ACOXL: variants seen among roughly 807,000 people sequenced by gnomAD.
The protein encoded by ACOXL is acyl-coenzyme A oxidase-like protein.
ACOXL carries 70 observed loss-of-function variants against 71.9 expected under a neutral mutation model. That is an observed-to-expected ratio of 0.97 (90% confidence interval 0.80 to 1.19). The LOEUF (loss-of-function observed/expected upper bound fraction) is 1.19, where lower values mean the gene tolerates loss of function less well. Ranked by LOEUF, ACOXL falls within the 50% of genes most tolerant of loss-of-function variation. The pLI, the probability that ACOXL is intolerant of heterozygous loss-of-function variation, is 0.00. For synonymous variants in ACOXL, 253 were observed against 281.6 expected (o/e 0.90, Z 1.02); for missense variants, 703 against 736.3 (o/e 0.95, Z 0.52).
chr2:110,844,233 A>G (rs1012778855), intron 10 of ACOXL, among the ~76,000 whole-genome samples: 41 of 152,226 alleles, frequency 2.7e-4, no homozygotes, highest in African/African-American at 9.6e-4. Context: ...CTGCTCACGG[A>G]CTGACATCTT....
intron 10 of ACOXL, among the ~76,000 whole-genome samples, chr2:110,890,487 G>T (rs1697808278): frequency 6.6e-6 from 1 of 152,126 alleles, no homozygotes. Flanking sequence ...TTAATTTTGT[G>T]TATGGTGTGA....
intron 17 of ACOXL, among the ~76,000 whole-genome samples, chr2:111,107,043 T>C (rs1281161957): frequency 6.6e-6 from 1 of 152,210 alleles, no homozygotes; most frequent in East Asian, 1.9e-4. Flanking sequence ...CAGCTCCCCA[T>C]GTGGTCTCCG....
intron 7 of ACOXL, among the ~76,000 whole-genome samples, chr2:110,801,387 A>G (rs991851175): frequency 3.4e-4 from 51 of 152,202 alleles, no homozygotes; most frequent in African/African-American, 1.2e-3. Flanking sequence ...CTACATGCCC[A>G]AAGCATGCAC....
intron 10 of ACOXL, chr2:110,888,091 G>C (rs1697521805): frequency 6.6e-6 from 1 of 152,106 alleles, no homozygotes; most frequent in Admixed American, 6.5e-5. Flanking sequence ...TTTTGTAGCT[G>C]GGGCTTCTAT....
chr2:110,793,874 A>G, intron 4 of ACOXL, 138 bp downstream of exon 4: 1 of 904,116 alleles, frequency 1.1e-6, no homozygotes, highest in Non-Finnish European at 1.7e-6. Flanking sequence ...GTTGAAAATG[A>G]GAATTCCAAG....
chr2:110,779,799 A>C (rs1159866569), intron 2 of ACOXL, among the ~76,000 whole-genome samples: 1 of 152,260 alleles, frequency 6.6e-6, no homozygotes, highest in Non-Finnish European at 1.5e-5. Flanking sequence ...TGCTACACAC[A>C]AAACTAATTT....
chr2:110,794,233 A>G, intron 5 of ACOXL, 59 bp downstream of exon 5: 2 of 1,505,726 alleles, frequency 1.3e-6, no homozygotes, highest in South Asian at 2.3e-5. Context: ...ACAGAAACAG[A>G]TCTCCTTCTT....
intron 10 of ACOXL, among the ~76,000 whole-genome samples, chr2:110,880,181 A>G (rs1696469704): frequency 6.6e-6 from 1 of 151,680 alleles, no homozygotes; most frequent in Non-Finnish European, 1.5e-5. Flanking sequence ...AAGAAAAGAA[A>G]AGAAAGGAAA....
At position 111,118,191 on chromosome 2, in the gene ACOXL, T is replaced by C; in HGVS notation, c.*375T>C. 1 of 298,058 alleles carries C rather than the reference T, an allele frequency of 3.4e-6. No homozygotes were observed. Among genetic ancestry groups the C allele is most frequent in the Admixed American group, 4.9e-5 (1 of 20,242 alleles). 18.5% of individuals were successfully genotyped at this position (298,058 alleles called of 1,614,324 possible). On this transcript the variant is annotated 3_prime_UTR_variant, in exon 18 of 18. Coordinates refer to ENST00000439055, the MANE Select transcript of ACOXL (RefSeq NM_001142807.4). ...TGTTAGCGGTGACTCACATTCCCAG[T>C]GATTTAGAAAAACTGTGGTGCCGAG...
At chr2:111,077,320 T>C (rs1047813163) in intron 16 of ACOXL, among the ~76,000 whole-genome samples, 3 of 152,210 alleles carry the variant, frequency 2.0e-5, no homozygotes, top group African/African-American at 7.2e-5. Context: ...AAGTGGAATG[T>C]AGAAACCTTA....
intron 14 of ACOXL, among the ~76,000 whole-genome samples, chr2:111,012,006 A>G (rs1198409741): frequency 2.0e-5 from 1 of 50,972 alleles, no homozygotes; most frequent in Non-Finnish European, 4.6e-5. Flanking sequence ...TCCATAATAG[A>G]GATTAAAAAT....
chr2:110,791,005 C>T (rs2105236217), intron 3 of ACOXL, among the ~76,000 whole-genome samples: 1 of 152,382 alleles, frequency 6.6e-6, no homozygotes, highest in East Asian at 1.9e-4. Context: ...CCCTGTCTGC[C>T]TCCTTCCTGG....
chr2:110,841,502 G>T, intron 10 of ACOXL, 97 bp downstream of exon 10: 1 of 973,560 alleles, frequency 1.0e-6, no homozygotes, highest in Non-Finnish European at 1.5e-6. Flanking sequence ...TTTTTTGGTG[G>T]TTGCTTTCCT....
intron 10 of ACOXL, among the ~76,000 whole-genome samples, chr2:110,896,969 A>G (rs1354416227): frequency 1.3e-5 from 2 of 152,098 alleles, no homozygotes; most frequent in Non-Finnish European, 2.9e-5. Flanking sequence ...GATACACCAT[A>G]TCTTATCCAG....
chr2:110,769,374 TG>T (rs991659489), intron 2 of ACOXL, among the ~76,000 whole-genome samples: 6 of 152,094 alleles, frequency 3.9e-5, no homozygotes, highest in African/African-American at 1.4e-4. Flanking sequence ...CAGCAGGGTG[TG>T]GTGGCTCACA....
intron 16 of ACOXL, among the ~76,000 whole-genome samples, chr2:111,069,658 G>A (rs1473747206): frequency 1.3e-5 from 2 of 152,118 alleles, no homozygotes; most frequent in Non-Finnish European, 2.9e-5. Flanking sequence ...CAAAGTCAAG[G>A]ACAGATGGGG....
rs115654118 is a variant in ACOXL at position 111,095,506 on chromosome 2, T to G, written c.1542+2540T>G. Among the ~76,000 whole-genome samples the G allele has an allele frequency of 8.3e-3, 1,229 of 148,652 alleles. 16 individuals carry two copies. The highest frequency in any genetic ancestry group is 0.054 in the East Asian group (259 of 4,820). On this transcript the variant is annotated intron_variant, in intron 17 of 17. Transcript: ENST00000439055. ...TCCCGGGCTCAAGTGATTCCTTGCC[T>G]CAGCTTCCTGAGTAGCTGGGATTAT...
intron 15 of ACOXL, among the ~76,000 whole-genome samples, chr2:111,042,271 C>T (rs2065820590): frequency 6.6e-6 from 1 of 152,230 alleles, no homozygotes; most frequent in Non-Finnish European, 1.5e-5. Context: ...GTTTTCAGTA[C>T]CTCCTATTTG....
At chr2:111,032,720 C>T (rs1192450924) in intron 15 of ACOXL, among the ~76,000 whole-genome samples, 1 of 152,144 alleles carries the variant, frequency 6.6e-6, no homozygotes, top group African/African-American at 2.4e-5. Flanking sequence ...TCGGTGGGAT[C>T]AGGGCAGGTA....
Sources: gnomAD v4.1 joint callset for allele counts (sites outside exome capture counted in the v4.1 genomes callset) on GRCh38, gnomAD v4.1.1 for gene constraint, MANE v1.5 for transcripts, NCBI Gene and HGNC (gene_info 2026-07-23, HGNC 2026-07-21) for gene names.